The following FSTL5 variants were observed in gnomAD, a reference collection of about 807,000 sequenced individuals.
FSTL5 encodes the protein follistatin-related protein 5.
A neutral mutation model predicts 89.1 loss-of-function variants in FSTL5; 62 were observed. That is an observed-to-expected ratio of 0.70 (90% confidence interval 0.57 to 0.86). FSTL5 has a LOEUF of 0.86. FSTL5 is among the 40% of genes least tolerant of loss of function. The probability of loss-of-function intolerance (pLI) is 0.00; values close to 1 mark genes in which losing one functional copy is unlikely to be tolerated. For synonymous variants in FSTL5, 383 were observed against 346.2 expected (o/e 1.11, Z -1.18); for missense variants, 1,057 against 1,001.6 (o/e 1.06, Z -0.75).
chr4:161,752,655 T>C (rs774556293), intron 6 of FSTL5, among the ~76,000 whole-genome samples: 5 of 152,200 alleles, frequency 3.3e-5, no homozygotes, highest in African/African-American at 4.8e-5. Flanking sequence ...TAAAATGTCA[T>C]GGTGGTGCCC....
intron 4 of FSTL5, among the ~76,000 whole-genome samples, chr4:161,837,126 A>C (rs769772092): frequency 1.3e-5 from 2 of 152,172 alleles, no homozygotes; most frequent in Admixed American, 6.5e-5. Context: ...TGTTGAAAAT[A>C]GGGTTTAAAA....
chr4:161,774,553 C>A (rs577437056), intron 5 of FSTL5, among the ~76,000 whole-genome samples: 8 of 152,052 alleles, frequency 5.3e-5, no homozygotes, highest in African/African-American at 1.9e-4. Context: ...CAGACCAGAT[C>A]GACTTGATCT....
chr4:161,754,789 C>T (rs905123002), intron 6 of FSTL5, among the ~76,000 whole-genome samples: 12 of 152,048 alleles, frequency 7.9e-5, no homozygotes, highest in Admixed American at 7.9e-4. Flanking sequence ...GTATGGTTAT[C>T]TTGTCTGATG....
intron 4 of FSTL5, among the ~76,000 whole-genome samples, chr4:161,861,550 TTC>T (rs1248395738): frequency 2.6e-5 from 4 of 152,254 alleles, no homozygotes; most frequent in Middle Eastern, 3.4e-3. Context: ...ACAGGAAATT[TTC>T]TGATATTGAT....
At chr4:162,159,435 T>C (rs1001501885) in intron 1 of FSTL5, among the ~76,000 whole-genome samples, 18 of 152,100 alleles carry the variant, frequency 1.2e-4, no homozygotes, top group African/African-American at 4.1e-4. Context: ...TAATATTCTA[T>C]GTATTGACAT....
At chr4:161,574,735 G>T (rs1263023600) in intron 8 of FSTL5, among the ~76,000 whole-genome samples, 1 of 151,956 alleles carries the variant, frequency 6.6e-6, no homozygotes, top group Non-Finnish European at 1.5e-5. Context: ...GTGTGTATGT[G>T]CCACGTTTTT....
At chr4:161,894,659 A>T (rs1236016104) in intron 4 of FSTL5, among the ~76,000 whole-genome samples, 1 of 151,982 alleles carries the variant, frequency 6.6e-6, no homozygotes, top group Non-Finnish European at 1.5e-5. Context: ...TTGTATTTTT[A>T]GTAGCGATGA....
intron 6 of FSTL5, among the ~76,000 whole-genome samples, chr4:161,672,132 T>C (rs778946811): frequency 3.9e-5 from 6 of 152,198 alleles, no homozygotes; most frequent in Non-Finnish European, 5.9e-5. Context: ...GTCAACTCTT[T>C]GCCACGACTT....
chr4:161,502,920 A>G (rs1730348398), intron 11 of FSTL5, among the ~76,000 whole-genome samples: 1 of 151,754 alleles, frequency 6.6e-6, no homozygotes, highest in African/African-American at 2.4e-5. Flanking sequence ...TTATGTGTAA[A>G]AAGAAAATAA....
intron 3 of FSTL5, among the ~76,000 whole-genome samples, chr4:161,966,985 G>A (rs542616329): frequency 1.4e-4 from 21 of 151,270 alleles, no homozygotes; most frequent in African/African-American, 4.1e-4. Flanking sequence ...CATATTTTAC[G>A]CAAGATGGAC....
chr4:161,763,772 C>A (rs566202456), intron 5 of FSTL5, among the ~76,000 whole-genome samples: 1 of 152,196 alleles, frequency 6.6e-6, no homozygotes, highest in South Asian at 2.1e-4. Flanking sequence ...CAAAAGAAAG[C>A]CCATTTGATT....
At chr4:162,014,162 G>A (rs540203165) in intron 3 of FSTL5, among the ~76,000 whole-genome samples, 5 of 152,302 alleles carry the variant, frequency 3.3e-5, no homozygotes, top group Admixed American at 3.3e-4. Flanking sequence ...GCAGAGGCTG[G>A]AGTCATCAGG....
intron 3 of FSTL5, among the ~76,000 whole-genome samples, chr4:161,929,667 G>GTA (rs1734227846): frequency 4.8e-5 from 5 of 105,088 alleles, no homozygotes; most frequent in African/African-American, 1.8e-4. Context: ...GCACGTGTGT[G>GTA]TGTGTGTGTG....
intron 1 of FSTL5, among the ~76,000 whole-genome samples, chr4:162,153,613 G>GTATATTATACATGTATATAATAATATA (rs1255456401): frequency 3.9e-4 from 52 of 132,700 alleles, no homozygotes; most frequent in African/African-American, 1.4e-3. Context: ...GTATATATAT[G>GTATATTATACATGTATATAATAATATA]TATATTATAT....
At chr4:161,566,312 A>ATT (rs1732815620) in intron 8 of FSTL5, among the ~76,000 whole-genome samples, 1 of 151,778 alleles carries the variant, frequency 6.6e-6, no homozygotes, top group Non-Finnish European at 1.5e-5. Flanking sequence ...TAAGCATAGT[A>ATT]TTCTATGGTG....
intron 7 of FSTL5, among the ~76,000 whole-genome samples, chr4:161,622,856 G>T (rs900824923): frequency 2.0e-5 from 3 of 151,976 alleles, no homozygotes; most frequent in Non-Finnish European, 4.4e-5. Flanking sequence ...AGTACAATTT[G>T]TACTCCCCAC....
intron 12 of FSTL5, among the ~76,000 whole-genome samples, chr4:161,486,101 AGCACTGCAG>A (rs1729667686): frequency 1.3e-5 from 2 of 149,160 alleles, no homozygotes; most frequent in Admixed American, 6.8e-5. Context: ...CCGAGATCGC[AGCACTGCAG>A]TACAGCCTTG....
intron 6 of FSTL5, among the ~76,000 whole-genome samples, chr4:161,685,386 A>G (rs992856255): frequency 6.6e-6 from 1 of 151,976 alleles, no homozygotes; most frequent in Non-Finnish European, 1.5e-5. Context: ...TGAGCATGGG[A>G]TGTGTTTCCA....
At chr4:162,093,140 GAT>G (rs1204255641) in intron 2 of FSTL5, among the ~76,000 whole-genome samples, 2 of 151,952 alleles carry the variant, frequency 1.3e-5, no homozygotes, top group Non-Finnish European at 2.9e-5. Flanking sequence ...TAAACACTGA[GAT>G]AAACTAGAAT....
Sources: allele counts gnomAD v4.1 joint callset (sites outside exome capture counted in the v4.1 genomes callset), GRCh38; gene constraint gnomAD v4.1.1; transcripts MANE v1.5; gene names NCBI Gene and HGNC (gene_info 2026-07-23, HGNC 2026-07-21).